Variants in HDAC9 observed in about 807,000 individuals in gnomAD.
HDAC9 encodes MEF-2 interacting transcription repressor (MITR) protein.
Under a neutral mutation model 139.4 loss-of-function variants are expected in HDAC9, and 41 were observed. The ratio of observed to expected loss-of-function variants is 0.29; its 90% CI spans 0.23 to 0.38. HDAC9 has a LOEUF of 0.38. HDAC9 is among the 10% of genes least tolerant of loss of function. The pLI, the probability that HDAC9 is intolerant of heterozygous loss-of-function variation, is 1.00. For synonymous variants in HDAC9, 517 were observed against 476.2 expected (o/e 1.09, Z -1.12); for missense variants, 1,147 against 1,297.0 (o/e 0.88, Z 1.78).
intron 17 of HDAC9, among the ~76,000 whole-genome samples, chr7:18,821,899 C>T (rs1298059360): frequency 1.3e-5 from 2 of 152,072 alleles, no homozygotes; most frequent in African/African-American, 4.8e-5. Flanking sequence ...ATCAGTTTAC[C>T]TACTAGATTA....
intron 1 of HDAC9, among the ~76,000 whole-genome samples, chr7:18,382,274 A>G (rs1211791762): frequency 2.0e-5 from 3 of 152,238 alleles, no homozygotes; most frequent in Non-Finnish European, 4.4e-5. Flanking sequence ...TGAAATATCA[A>G]TTATATATGT....
At chr7:18,574,337 A>C (rs993195656) in intron 2 of HDAC9, among the ~76,000 whole-genome samples, 8 of 152,212 alleles carry the variant, frequency 5.3e-5, no homozygotes, top group African/African-American at 1.9e-4. Context: ...TCTATCGGCA[A>C]GCAGGTCGTC....
chr7:18,833,697 T>G (rs1796021017), intron 19 of HDAC9, among the ~76,000 whole-genome samples: 2 of 152,232 alleles, frequency 1.3e-5, no homozygotes, highest in Non-Finnish European at 2.9e-5. Flanking sequence ...TGTCTTTAGC[T>G]GAAACAACTT....
In HDAC9 at chr7:18,642,954, C is replaced by T. The variant is rs2129015178; in HGVS notation, c.913-1717C>T. Among the ~76,000 whole-genome samples the T allele has an allele frequency of 3.3e-5, 5 of 152,132 alleles. No individual in the cohort carries two copies. The Middle Eastern group carries it at 0.014, about 414-fold the overall frequency. On this transcript the variant is annotated intron_variant, in intron 8 of 25. Transcript: ENST00000686413. ...TAGTGCTGTGAGAAGCAGATATAAC[C>T]TTGAATGAATATTATGCCCTATTTA...
chr7:18,291,044 G>A (rs1797772948), intron 1 of HDAC9, among the ~76,000 whole-genome samples: 1 of 152,100 alleles, frequency 6.6e-6, no homozygotes. Context: ...CAACAGCTAT[G>A]ACTTCAGAGC....
intron 21 of HDAC9, among the ~76,000 whole-genome samples, chr7:18,864,772 T>C (rs1426646513): frequency 6.6e-6 from 1 of 152,134 alleles, no homozygotes; most frequent in East Asian, 1.9e-4. Context: ...ATTGAGTTAC[T>C]GTTTCACGGT....
chr7:18,207,941 C>T (rs994032488), intron 2 of HDAC9, among the ~76,000 whole-genome samples: 2 of 151,738 alleles, frequency 1.3e-5, no homozygotes, highest in African/African-American at 2.4e-5. Flanking sequence ...CTTGAACTCC[C>T]GATCTCAGGT....
chr7:18,290,050 C>T (rs571137911), upstream of HDAC9: 18 of 155,832 alleles, frequency 1.2e-4, no homozygotes, highest in South Asian at 3.5e-3. Context: ...CCCACACGTC[C>T]TCTGATTGCA....
At chr7:18,806,668 G>T (rs1278640011) in intron 17 of HDAC9, among the ~76,000 whole-genome samples, 2 of 152,078 alleles carry the variant, frequency 1.3e-5, no homozygotes, top group East Asian at 1.9e-4. Context: ...TACCTAATTT[G>T]TTGGGAATTT....
At chr7:18,310,332 A>G (rs1312621675) in intron 1 of HDAC9, among the ~76,000 whole-genome samples, 1 of 152,166 alleles carries the variant, frequency 6.6e-6, no homozygotes, top group Non-Finnish European at 1.5e-5. Flanking sequence ...TTGGAGGACG[A>G]TATACCATGG....
At chr7:18,515,677 T>C (rs1320877985) in intron 2 of HDAC9, among the ~76,000 whole-genome samples, 1 of 152,168 alleles carries the variant, frequency 6.6e-6, no homozygotes, top group Non-Finnish European at 1.5e-5. Context: ...TTAAAGGAAA[T>C]AGTTATAAAA....
intron 1 of HDAC9, among the ~76,000 whole-genome samples, chr7:18,304,037 A>G (rs568690995): frequency 4.6e-5 from 7 of 152,360 alleles, no homozygotes; most frequent in African/African-American, 1.4e-4. Flanking sequence ...CCTGCTTGAT[A>G]GAGAGTCCCA....
chr7:18,630,247 T>C (rs939752616), intron 7 of HDAC9, among the ~76,000 whole-genome samples: 1 of 152,240 alleles, frequency 6.6e-6, no homozygotes, highest in Middle Eastern at 3.4e-3. Flanking sequence ...TGTATCTAGT[T>C]GTTTCCTTTG....
At chr7:18,701,291 G>A (rs2129104866) in intron 12 of HDAC9, among the ~76,000 whole-genome samples, 1 of 151,048 alleles carries the variant, frequency 6.6e-6, no homozygotes, top group South Asian at 2.1e-4. Context: ...AGATATTTAG[G>A]AGAATAATAA....
chr7:18,448,391 C>G (rs970106978), intron 1 of HDAC9, among the ~76,000 whole-genome samples: 1 of 151,978 alleles, frequency 6.6e-6, no homozygotes, highest in Non-Finnish European at 1.5e-5. Context: ...GTACAAAATG[C>G]AAGAAAGCAT....
At chr7:18,690,670 G>A (rs927811795) in intron 12 of HDAC9, among the ~76,000 whole-genome samples, 2 of 151,872 alleles carry the variant, frequency 1.3e-5, no homozygotes, top group African/African-American at 4.8e-5. Flanking sequence ...TACACATTGT[G>A]CATGAATTTA....
At chr7:18,537,969 G>A (rs571683051) in intron 2 of HDAC9, among the ~76,000 whole-genome samples, 1 of 152,260 alleles carries the variant, frequency 6.6e-6, no homozygotes, top group East Asian at 1.9e-4. Flanking sequence ...CATCCTCTGT[G>A]CCCAACGTGA....
chr7:18,214,896 T>C (rs2128171109), intron 2 of HDAC9, among the ~76,000 whole-genome samples: 1 of 152,270 alleles, frequency 6.6e-6, no homozygotes, highest in Admixed American at 6.5e-5. Context: ...AAAGATCTTA[T>C]TACTTTTGAC....
At chr7:18,715,437 G>T (rs979000958) in intron 12 of HDAC9, among the ~76,000 whole-genome samples, 7 of 152,060 alleles carry the variant, frequency 4.6e-5, no homozygotes. Context: ...TGCATGCTTT[G>T]GGAGGAAGGG....
Sources: gnomAD v4.1 joint callset for allele counts (sites outside exome capture counted in the v4.1 genomes callset) on GRCh38, gnomAD v4.1.1 for gene constraint, MANE v1.5 for transcripts, NCBI Gene and HGNC (gene_info 2026-07-23, HGNC 2026-07-21) for gene names.